The following DDX21 variants were observed in gnomAD, a reference collection of about 807,000 sequenced individuals.
DDX21 encodes the protein DExD-box helicase 21.
A neutral mutation model predicts 90.0 loss-of-function variants in DDX21; 18 were observed. The observed-to-expected ratio is 0.20, with a 90% CI of 0.14 to 0.30. The LOEUF (loss-of-function observed/expected upper bound fraction) is 0.30. Ranked by LOEUF, DDX21 falls within the 10% of genes least tolerant of loss-of-function variation. DDX21 has a pLI of 1.00. For synonymous variants in DDX21, 294 were observed against 318.0 expected, an observed-to-expected ratio of 0.92 and a Z score of 0.80; for missense variants, 673 against 944.5, an observed-to-expected ratio of 0.71 and a Z score of 3.77.
At chr10:68,964,473 C>T (rs909321462) in intron 4 of DDX21, among the ~76,000 whole-genome samples, 1 of 152,160 alleles carries the variant, frequency 6.6e-6, no homozygotes, top group Non-Finnish European at 1.5e-5. Context: ...AGCAATTCTC[C>T]TGCCTTAGCC....
intron 8 of DDX21, among the ~76,000 whole-genome samples, chr10:68,971,225 CTT>C (rs1213249215): frequency 1.3e-5 from 2 of 151,884 alleles, no homozygotes; most frequent in East Asian, 1.9e-4. Context: ...ATTGGGAAGA[CTT>C]TTTTTATCTT....
intron 1 of DDX21, 69 bp from the exon 2 acceptor site, chr10:68,959,737 A>G (rs1842848177): frequency 8.7e-7 from 1 of 1,150,054 alleles, no homozygotes; most frequent in Admixed American, 3.0e-5. Flanking sequence ...ATAATCCAGA[A>G]TTGATGAATG....
intron 7 of DDX21, among the ~76,000 whole-genome samples, chr10:68,969,875 G>A (rs1842997346): frequency 6.6e-6 from 1 of 152,098 alleles, no homozygotes; most frequent in African/African-American, 2.4e-5. Flanking sequence ...GAAATTTGTT[G>A]GTTATTTGGT....
intron 13 of DDX21, among the ~76,000 whole-genome samples, chr10:68,979,312 A>G (rs1223660915): frequency 6.6e-6 from 1 of 152,198 alleles, no homozygotes; most frequent in Admixed American, 6.5e-5. Context: ...TTGAATTCAA[A>G]TTAAAAATGA....
intron 1 of DDX21, chr10:68,956,778 C>T (rs901881609): frequency 9.0e-6 from 9 of 1,001,970 alleles, no homozygotes; most frequent in Non-Finnish European, 1.1e-5. Flanking sequence ...TGCGGTGGCT[C>T]ACGCCTGTAA....
chr10:68,956,885 T>C (rs1291327003), intron 1 of DDX21: 1 of 500,932 alleles, frequency 2.0e-6, no homozygotes. Context: ...GACTAAAAAA[T>C]ACAAAAATTA....
At chr10:68,963,702 A>G (rs1247321974) in intron 4 of DDX21, among the ~76,000 whole-genome samples, 3 of 152,090 alleles carry the variant, frequency 2.0e-5, no homozygotes, top group Non-Finnish European at 2.9e-5. Flanking sequence ...TTGATCATCT[A>G]TATAATTAAT....
At chr10:68,976,229 AAAAG>A (rs959045404) in intron 11 of DDX21, among the ~76,000 whole-genome samples, 3 of 149,880 alleles carry the variant, frequency 2.0e-5, no homozygotes, top group East Asian at 1.9e-4. Flanking sequence ...TATCTCAAAA[AAAAG>A]AAAGAGGGAA....
Position 68,984,971 on chromosome 10 carries a change from CA to C in DDX21, c.*2160del, listed in dbSNP as rs1399495810. On this transcript the variant is annotated 3_prime_UTR_variant, in exon 15 of 15. Transcript: ENST00000354185. The stretch of plus-strand genomic sequence containing the variant: ...CTAATTTAAGTTGGAGCTATCTGTG[CA>C]GCAGTTTCTCTACAGTTGTGCATAA... 2 of 152,094 alleles carry C rather than the reference CA, an allele frequency of 1.3e-5. No homozygotes were observed. Among genetic ancestry groups the C allele is most frequent in the Non-Finnish European group, 2.9e-5 (2 of 68,018 alleles). The allele number at this position is 152,094 out of a possible 1,614,324, so 9.4% of individuals were successfully genotyped here.
chr10:68,967,204 G>A lies in DDX21; in HGVS notation c.1090+1G>A. On this transcript the variant is annotated splice_donor_variant, in intron 6 of 14. Coordinates refer to ENST00000354185, the MANE Select transcript of DDX21 (RefSeq NM_004728.4). LOFTEE classifies it high-confidence loss of function. ...ATTTTAAGTGTGGCATACAAGAAAGGTAATCCACAAATTCAAGAAGCTGAT... is the reference window on the plus strand; with the variant it reads ...ATTTTAAGTGTGGCATACAAGAAAGATAATCCACAAATTCAAGAAGCTGAT... The A allele has an allele frequency of 1.9e-6, 3 of 1,605,120 alleles. No individual in the cohort carries two copies. Among genetic ancestry groups the A allele is most frequent in the East Asian group, 2.2e-5 (1 of 44,584 alleles).
At chr10:68,967,274 A>C in intron 6 of DDX21, 71 bp downstream of exon 6, 1 of 1,470,254 alleles carries the variant, frequency 6.8e-7, no homozygotes, top group Non-Finnish European at 9.2e-7. Context: ...CCTGGGTTCA[A>C]GTGACTCTCA....
rs80088899 is a variant in DDX21, at chr10:68,980,555, A to G, written c.2038-982A>G. The stretch of plus-strand genomic sequence containing the variant: ...AATCCACCAGTAGGTGATGATACCT[A>G]TGTTATGATTGGGTAAATTTTGGGG... On this transcript the variant is annotated intron_variant, in intron 13 of 14. Transcript: ENST00000354185. Among the ~76,000 whole-genome samples the G allele has an allele frequency of 7.3e-3, 1,107 of 152,280 alleles. 8 individuals carry two copies. The highest frequency in any genetic ancestry group is 0.011 in the Non-Finnish European group (735 of 68,012).
chr10:68,965,171 G>C (rs975234314), intron 4 of DDX21, among the ~76,000 whole-genome samples: 1 of 152,080 alleles, frequency 6.6e-6, no homozygotes, highest in Non-Finnish European at 1.5e-5. Flanking sequence ...AGCTCAAAAG[G>C]TTGCAAGAAT....
At chr10:68,974,827 A>AG in intron 11 of DDX21, 84 bp downstream of exon 11, 1 of 1,236,762 alleles carries the variant, frequency 8.1e-7, no homozygotes, top group Non-Finnish European at 1.1e-6. Context: ...ATTTGACTTA[A>AG]AAAAATTTTT....
chr10:68,974,660 T>C lies in DDX21; in HGVS notation c.1669-10T>C, dbSNP rs770218148. On this transcript the variant is annotated splice_polypyrimidine_tract_variant and intron_variant, in intron 10 of 14. Coordinates refer to ENST00000354185, the MANE Select transcript of DDX21 (RefSeq NM_004728.4). ...CACTGTACATTAAACTGTGGTTCAT[T>C]TTCCTGTAGGGAATTAAGTTCAAAC... 15 of 1,613,102 alleles carry C rather than the reference T, an allele frequency of 9.3e-6. No individual in the cohort carries two copies. The South Asian group carries it at 1.2e-4, about 13-fold the overall frequency.
At chr10:68,979,574 A>G (rs1009621047) in intron 13 of DDX21, among the ~76,000 whole-genome samples, 5 of 152,188 alleles carry the variant, frequency 3.3e-5, no homozygotes, top group Admixed American at 2.6e-4. Flanking sequence ...CACGTCATAT[A>G]TGTCTAGGAA....
chr10:68,961,109 A>G (rs984303807), intron 2 of DDX21, among the ~76,000 whole-genome samples: 1 of 152,144 alleles, frequency 6.6e-6, no homozygotes, highest in South Asian at 2.1e-4. Context: ...TATTAAAAAA[A>G]TTTGTTTTAG....
Position 68,965,420 on chromosome 10 carries a change from G to A in DDX21, c.830G>A (p.Ser277Asn). 6.2e-7 allele frequency: 1 copy of A among 1,613,900 alleles called. No homozygotes were observed. The highest frequency in any genetic ancestry group is 1.1e-5 in the South Asian group (1 of 91,086). ...APTRELANQV[S>N]KDFSDITKKL... ...ACAAGAGAGTTGGCAAATCAAGTAAGCAAAGACTTCAGTGACATCACAAAA... is the reference window on the plus strand; with the variant it reads ...ACAAGAGAGTTGGCAAATCAAGTAAACAAAGACTTCAGTGACATCACAAAA... The change falls in exon 5 of 15, where the codon AGC becomes AAC. Residue 277 changes from serine to asparagine, a missense_variant. Ser to Asn is a conservative substitution (Grantham distance 46, BLOSUM62 1). This residue lies in a region of DDX21 where 218 missense variants were observed against 347.3 expected (regional missense o/e 0.63). Transcript: ENST00000354185.
chr10:68,956,753 G>T, intron 1 of DDX21: 1 of 1,010,568 alleles, frequency 9.9e-7, no homozygotes, highest in South Asian at 3.8e-5. Flanking sequence ...GTCAAAGTGG[G>T]TACTGGAGGC....
Sources: gnomAD v4.1 joint callset for allele counts (sites outside exome capture counted in the v4.1 genomes callset) on GRCh38, gnomAD v4.1.1 for gene constraint, gnomAD v4.1.1 regional missense constraint, MANE v1.5 for transcripts, NCBI Gene and HGNC (gene_info 2026-07-23, HGNC 2026-07-21) for gene names.